Variants in BIRC6 observed in about 807,000 individuals in gnomAD.
The protein encoded by BIRC6 is baculoviral IAP repeat containing 6, also known as dual E2 ubiquitin-conjugating enzyme/E3 ubiquitin-protein ligase BIRC6.
BIRC6 carries 98 observed loss-of-function variants against 503.3 expected under a neutral mutation model. The ratio of observed to expected loss-of-function variants is 0.19; its 90% CI spans 0.17 to 0.23. The LOEUF is 0.23. Among genes scored for constraint, BIRC6 ranks in the 10% least tolerant of loss-of-function variants. BIRC6 has a pLI of 1.00. For missense variants in BIRC6, 5,360 were observed against 5,806.0 expected (o/e 0.92, Z 2.50); for synonymous variants, 2,240 against 2,078.7 (o/e 1.08, Z -2.11).
At chr2:32,458,237 G>C (rs2047456876) in intron 23 of BIRC6, among the ~76,000 whole-genome samples, 1 of 152,052 alleles carries the variant, frequency 6.6e-6, no homozygotes, top group Non-Finnish European at 1.5e-5. Context: ...ATTTTTCTGT[G>C]ATGTTTCTAC....
chr2:32,539,799 G>A (rs939094122), intron 61 of BIRC6, among the ~76,000 whole-genome samples: 4 of 151,964 alleles, frequency 2.6e-5, no homozygotes. Context: ...AATTACTACA[G>A]TAAGAGCCAG....
chr2:32,515,648 C>A lies in BIRC6; in HGVS notation c.11227C>A (p.Leu3743Ile). The A allele has an allele frequency of 6.2e-7, 1 of 1,611,096 alleles. No homozygotes were observed. Among genetic ancestry groups the A allele is most frequent in the East Asian group, 2.2e-5 (1 of 44,880 alleles). Residue 3743 changes from leucine (L) to isoleucine (I), a missense_variant, in exon 55 of 74, where the codon CTT (leucine) becomes ATT (isoleucine). Transcript: ENST00000421745. ...AQQTSARSAS[L>I]SSAATTGLTT... Reference sequence around the variant, plus strand: ...ACAGACCAGTGCAAGATCAGCTTCTCTTTCTTCAGCTGCTACAACAGGACT... The same window carrying A: ...ACAGACCAGTGCAAGATCAGCTTCTATTTCTTCAGCTGCTACAACAGGACT...
chr2:32,576,093 A>T (rs372312677), intron 66 of BIRC6, among the ~76,000 whole-genome samples: 8 of 152,352 alleles, frequency 5.3e-5, no homozygotes, highest in African/African-American at 1.9e-4. Flanking sequence ...ACTATTTATT[A>T]GTAGATTTTA....
chr2:32,485,277 A>G (rs903878771), intron 39 of BIRC6, among the ~76,000 whole-genome samples: 15 of 152,200 alleles, frequency 9.9e-5, no homozygotes, highest in Non-Finnish European at 2.1e-4. Flanking sequence ...ATGAATTCAC[A>G]TCAGTGTATC....
intron 40 of BIRC6, among the ~76,000 whole-genome samples, chr2:32,487,121 G>C (rs1313006179): frequency 2.0e-5 from 3 of 151,884 alleles, no homozygotes; most frequent in African/African-American, 7.3e-5. Flanking sequence ...ATAAAATAAG[G>C]CTCTAAATAT....
intron 1 of BIRC6, among the ~76,000 whole-genome samples, chr2:32,358,639 A>C (rs1175250275): frequency 1.3e-5 from 2 of 152,242 alleles, no homozygotes; most frequent in Non-Finnish European, 2.9e-5. Flanking sequence ...GTAGACGAAC[A>C]AGGAAAAGTT....
intron 55 of BIRC6, among the ~76,000 whole-genome samples, chr2:32,517,617 C>T (rs905080170): frequency 1.3e-5 from 2 of 152,054 alleles, no homozygotes; most frequent in African/African-American, 4.8e-5. Context: ...CTCTGTTGCC[C>T]AGGCCTGTAG....
At chr2:32,579,181 T>C (rs539401722) in intron 66 of BIRC6, among the ~76,000 whole-genome samples, 1 of 151,670 alleles carries the variant, frequency 6.6e-6, no homozygotes, top group African/African-American at 2.4e-5. Context: ...GTTGTATTTG[T>C]AATAGAATTT....
chr2:32,503,208 TGAA>T lies in BIRC6; in HGVS notation c.9473_9475del (p.Glu3158del). On this transcript the variant is annotated inframe_deletion, in exon 49 of 74. Transcript: ENST00000421745. ...TACTAGCTTCTGAGCCTGACAATGC[TGAA>T]GGGATTCATAACTTTGCACCCCTCG... is the stretch of plus-strand genomic sequence containing the variant. 6.2e-7 allele frequency: 1 copy of T among 1,610,556 alleles called. No individual in the cohort carries two copies. The highest frequency in any genetic ancestry group is 8.5e-7 in the Non-Finnish European group (1 of 1,178,846).
At chr2:32,430,427 T>C (rs547180236) in intron 11 of BIRC6, among the ~76,000 whole-genome samples, 1 of 152,314 alleles carries the variant, frequency 6.6e-6, no homozygotes, top group African/African-American at 2.4e-5. Flanking sequence ...TTTGACTGTT[T>C]TAGTGTTTTA....
chr2:32,494,807 G>A (rs1308285874), intron 45 of BIRC6, among the ~76,000 whole-genome samples: 1 of 152,094 alleles, frequency 6.6e-6, no homozygotes, highest in Non-Finnish European at 1.5e-5. Flanking sequence ...CTACTGTGGA[G>A]CCTGATGCAG....
intron 73 of BIRC6, among the ~76,000 whole-genome samples, chr2:32,613,345 T>C (rs984926530): frequency 6.6e-6 from 1 of 151,504 alleles, no homozygotes; most frequent in Admixed American, 6.6e-5. Flanking sequence ...CCACCAGACC[T>C]GGCTAACTTT....
chr2:32,456,060 T>A (rs1352597900), intron 23 of BIRC6, among the ~76,000 whole-genome samples: 1 of 152,210 alleles, frequency 6.6e-6, no homozygotes, highest in East Asian at 1.9e-4. Context: ...GTCTGTGTGA[T>A]GACCAATAAG....
At position 32,485,681 on chromosome 2, in the gene BIRC6, G is replaced by C. The variant is rs1341852131; in HGVS notation, c.7735G>C (p.Ala2579Pro). The change falls in exon 40 of 74, where the codon GCA (alanine) becomes CCA (proline). Residue 2579 changes from alanine to proline, a missense_variant. This residue lies in a region of BIRC6 where 2,299 missense variants were observed against 2,267.2 expected (regional missense o/e 1.01). Coordinates refer to ENST00000421745, the MANE Select transcript of BIRC6 (RefSeq NM_016252.4). ...ARLEVGLEQQ[A>P]ELMLKMMSTL... ...CCTAGAAGTTGGACTTGAACAGCAA[G>C]CAGAACTGATGTTGAAAATGATGTC... 1 of 1,613,562 alleles carries C rather than the reference G, an allele frequency of 6.2e-7. No individual in the cohort carries two copies. Among genetic ancestry groups the C allele is most frequent in the Non-Finnish European group, 8.5e-7 (1 of 1,179,684 alleles).
chr2:32,553,064 G>T (rs901864701), intron 65 of BIRC6, among the ~76,000 whole-genome samples: 1 of 148,916 alleles, frequency 6.7e-6, no homozygotes, highest in Non-Finnish European at 1.5e-5. Flanking sequence ...AGATGTGGTG[G>T]CACATGCCTG....
chr2:32,363,127 TG>T (rs1337598725), intron 1 of BIRC6, among the ~76,000 whole-genome samples: 1 of 152,120 alleles, frequency 6.6e-6, no homozygotes, highest in African/African-American at 2.4e-5. Context: ...GCCCAGTAGT[TG>T]GAGACCAGCC....
chr2:32,515,075 G>C lies in BIRC6; in HGVS notation c.10654G>C (p.Val3552Leu). ...CAGTCTACTTTGCTCAATGTGTCAC[G>C]TACACCCAAACTATTTTTCTTTGCT... The part of the protein sequence containing the change: ...VDSLLCSMCH[V>L]HPNYFSLLMG... Residue 3552 changes from valine to leucine, a missense_variant, in exon 55 of 74, where the codon GTA (valine) becomes CTA (leucine). Transcript: ENST00000421745. The C allele has an allele frequency of 6.2e-7, 1 of 1,613,808 alleles. No homozygotes were observed. Among genetic ancestry groups the C allele is most frequent in the Non-Finnish European group, 8.5e-7 (1 of 1,179,862 alleles).
chr2:32,464,392 C>G, intron 24 of BIRC6, 117 bp from the exon 25 acceptor site: 1 of 1,241,450 alleles, frequency 8.1e-7, no homozygotes, highest in South Asian at 1.7e-5. Context: ...TTAATTTCAT[C>G]TTTAAGTATG....
chr2:32,583,159 C>T (rs1286858599), intron 66 of BIRC6, among the ~76,000 whole-genome samples: 1 of 152,170 alleles, frequency 6.6e-6, no homozygotes, highest in Admixed American at 6.5e-5. Flanking sequence ...TCTGACTTAC[C>T]TGTTAGAGTA....
Sources: allele counts gnomAD v4.1 joint callset (sites outside exome capture counted in the v4.1 genomes callset), GRCh38; gene constraint gnomAD v4.1.1; regional missense constraint gnomAD v4.1.1; transcripts MANE v1.5; gene names NCBI Gene and HGNC (gene_info 2026-07-23, HGNC 2026-07-21).